The following TRPC6 variants were observed in gnomAD, a reference collection of about 807,000 sequenced individuals.
TRPC6 encodes the protein transient receptor potential cation channel subfamily C member 6, also known as short transient receptor potential channel 6.
In TRPC6, 55 loss-of-function variants were observed where a neutral mutation model predicts 90.7. The observed-to-expected ratio is 0.61, with a 90% confidence interval of 0.49 to 0.76. The LOEUF is 0.76. TRPC6 is among the 30% of genes least tolerant of loss of function. The pLI is 0.00. For synonymous variants in TRPC6, 393 were observed against 393.0 expected, an observed-to-expected ratio of 1.00 and a Z score of 0.00; for missense variants, 989 against 1,122.7, an observed-to-expected ratio of 0.88 and a Z score of 1.70.
intron 1 of TRPC6, among the ~76,000 whole-genome samples, chr11:101,548,983 CAG>C (rs1204013031): frequency 1.3e-5 from 2 of 151,740 alleles, no homozygotes; most frequent in South Asian, 2.1e-4. Context: ...AGGGTTCATG[CAG>C]AGAGACTGAC....
chr11:101,555,275 T>C (rs1052289226), intron 1 of TRPC6, among the ~76,000 whole-genome samples: 37 of 152,224 alleles, frequency 2.4e-4, no homozygotes, highest in African/African-American at 8.0e-4. Flanking sequence ...GGACTCCACA[T>C]TATTTCTTCC....
intron 1 of TRPC6, among the ~76,000 whole-genome samples, chr11:101,566,095 G>A (rs1861823002): frequency 1.1e-5 from 1 of 91,804 alleles, no homozygotes; most frequent in African/African-American, 3.8e-5. Context: ...GCCACTTTGG[G>A]TATATGGGGT....
At chr11:101,582,595 A>G (rs1319671121) in intron 1 of TRPC6, among the ~76,000 whole-genome samples, 2 of 151,988 alleles carry the variant, frequency 1.3e-5, no homozygotes, top group East Asian at 3.9e-4. Flanking sequence ...TTCATAAACA[A>G]AAGCTTGCAG....
intron 6 of TRPC6, among the ~76,000 whole-genome samples, chr11:101,475,840 G>GCA (rs536048429): frequency 2.1e-3 from 299 of 140,874 alleles, no homozygotes; most frequent in African/African-American, 8.7e-3. Flanking sequence ...CTATTCCATT[G>GCA]CACATATATA....
rs947916199 is a variant in TRPC6 at position 101,522,107 on chromosome 11, G to T, written c.171-17309C>A. Among the ~76,000 whole-genome samples, 25 of 152,192 alleles carry T rather than the reference G, an allele frequency of 1.6e-4. 1 individual carries two copies. Among genetic ancestry groups the T allele is most frequent in the Admixed American group, 2.6e-4 (4 of 15,278 alleles). On this transcript the variant is annotated intron_variant, in intron 1 of 12. Transcript: ENST00000344327. ...GTTTTGCAATGTGAGAAGGACATGA[G>T]ATTTGGGAGGGGCTAGGGGCAGAAT...
chr11:101,468,993 C>T (rs1027477467), intron 10 of TRPC6, among the ~76,000 whole-genome samples: 3 of 152,142 alleles, frequency 2.0e-5, no homozygotes, highest in East Asian at 1.9e-4. Flanking sequence ...TCATTATACA[C>T]GGTGTCGACC....
intron 10 of TRPC6, among the ~76,000 whole-genome samples, chr11:101,457,850 T>A (rs1858920247): frequency 6.6e-6 from 1 of 152,216 alleles, no homozygotes. Context: ...CATTCTATAA[T>A]TGTCAAGAGC....
chr11:101,460,467 A>C (rs992577745), intron 10 of TRPC6, among the ~76,000 whole-genome samples: 1 of 152,142 alleles, frequency 6.6e-6, no homozygotes, highest in African/African-American at 2.4e-5. Flanking sequence ...TGATCATATT[A>C]TTTTTGATGT....
At chr11:101,562,019 G>A (rs961398355) in intron 1 of TRPC6, among the ~76,000 whole-genome samples, 4 of 151,924 alleles carry the variant, frequency 2.6e-5, no homozygotes, top group Non-Finnish European at 4.4e-5. Flanking sequence ...AAGATATACC[G>A]TAGGATCACA....
chr11:101,468,078 G>A (rs1328599841), intron 10 of TRPC6, among the ~76,000 whole-genome samples: 2 of 152,180 alleles, frequency 1.3e-5, no homozygotes, highest in Non-Finnish European at 2.9e-5. Flanking sequence ...TGGATGACCA[G>A]GGACGATTTC....
At chr11:101,468,387 A>T (rs1397783963) in intron 10 of TRPC6, among the ~76,000 whole-genome samples, 1 of 152,174 alleles carries the variant, frequency 6.6e-6, no homozygotes, top group African/African-American at 2.4e-5. Context: ...GATATCAGAT[A>T]GGCCTTAAGA....
chr11:101,509,804 C>G (rs1359574721), intron 1 of TRPC6, among the ~76,000 whole-genome samples: 1 of 151,930 alleles, frequency 6.6e-6, no homozygotes, highest in African/African-American at 2.4e-5. Context: ...TTTTTAGATA[C>G]ATTTTTATAA....
intron 1 of TRPC6, among the ~76,000 whole-genome samples, chr11:101,541,931 T>C (rs1861182054): frequency 6.6e-6 from 1 of 152,210 alleles, no homozygotes; most frequent in South Asian, 2.1e-4. Context: ...TTGAAATATA[T>C]ACTATGTCTA....
chr11:101,550,747 G>T (rs1357953743), intron 1 of TRPC6, among the ~76,000 whole-genome samples: 2 of 151,656 alleles, frequency 1.3e-5, no homozygotes, highest in African/African-American at 4.8e-5. Flanking sequence ...TGGAGAGTAT[G>T]TGGTATAACC....
rs760902131 is a variant in TRPC6, at chr11:101,452,933, A to T, written c.*22T>A. 2 of 1,613,190 alleles carry T rather than the reference A, an allele frequency of 1.2e-6. No homozygotes were observed. Among genetic ancestry groups the T allele is most frequent in the African/African-American group, 2.7e-5 (2 of 74,896 alleles). On this transcript the variant is annotated 3_prime_UTR_variant, in exon 13 of 13. Coordinates refer to ENST00000344327, the MANE Select transcript of TRPC6 (RefSeq NM_004621.6). ...GGCTTCAAGTGGACAAATAAATATGAATTTCTAAGGAAGTCTTCGCATTAT... is the reference window on the plus strand; with the variant it reads ...GGCTTCAAGTGGACAAATAAATATGTATTTCTAAGGAAGTCTTCGCATTAT...
chr11:101,569,695 A>G (rs1317346145), intron 1 of TRPC6, among the ~76,000 whole-genome samples: 1 of 152,228 alleles, frequency 6.6e-6, no homozygotes, highest in Non-Finnish European at 1.5e-5. Flanking sequence ...CAATCAAATT[A>G]GAACTCAGGA....
chr11:101,573,160 G>T (rs1862001188), intron 1 of TRPC6, among the ~76,000 whole-genome samples: 1 of 147,084 alleles, frequency 6.8e-6, no homozygotes, highest in Non-Finnish European at 1.5e-5. Context: ...TAGAGATAAG[G>T]CCAATACACT....
intron 1 of TRPC6, among the ~76,000 whole-genome samples, chr11:101,578,349 T>A (rs1004963142): frequency 1.3e-5 from 2 of 152,212 alleles, no homozygotes; most frequent in Non-Finnish European, 1.5e-5. Context: ...TGGCAAGTAA[T>A]ATCAGGAAAG....
chr11:101,533,562 A>G (rs1422568404), intron 1 of TRPC6, among the ~76,000 whole-genome samples: 2 of 152,162 alleles, frequency 1.3e-5, no homozygotes, highest in Non-Finnish European at 2.9e-5. Flanking sequence ...ACAAATATGC[A>G]AACCATATCA....
Sources: gnomAD v4.1 joint callset for allele counts (sites outside exome capture counted in the v4.1 genomes callset) on GRCh38, gnomAD v4.1.1 for gene constraint, MANE v1.5 for transcripts, NCBI Gene and HGNC (gene_info 2026-07-23, HGNC 2026-07-21) for gene names.